Variants in RGS9 observed in about 807,000 individuals in gnomAD.
The protein encoded by RGS9 is regulator of G-protein signalling 9.
In RGS9, 78 loss-of-function variants were observed where a neutral mutation model predicts 102.0. That is an observed-to-expected ratio of 0.76 (90% confidence interval 0.64 to 0.92). RGS9 has a LOEUF of 0.92. RGS9 is among the 40% of genes least tolerant of loss of function. RGS9 has a pLI of 0.00. For synonymous variants in RGS9, 353 were observed against 318.6 expected (o/e 1.11, Z -1.15); for missense variants, 833 against 866.1 (o/e 0.96, Z 0.48).
At chr17:65,226,410 G>T (rs372644742) in intron 18 of RGS9, among the ~76,000 whole-genome samples, 1 of 152,160 alleles carries the variant, frequency 6.6e-6, no homozygotes, top group Non-Finnish European at 1.5e-5. Flanking sequence ...TAGGGGGAGA[G>T]GGAGGAGCAG....
intron 9 of RGS9, among the ~76,000 whole-genome samples, chr17:65,181,437 C>T (rs1166290746): frequency 1.3e-5 from 2 of 152,206 alleles, no homozygotes; most frequent in Admixed American, 6.5e-5. Flanking sequence ...GGCAAGTAAC[C>T]GTCAACCATA....
chr17:65,191,698 G>T (rs530357997), intron 11 of RGS9, among the ~76,000 whole-genome samples: 2 of 152,272 alleles, frequency 1.3e-5, no homozygotes, highest in South Asian at 4.2e-4. Context: ...AGTGAGCTGA[G>T]ATAGCGCCAC....
chr17:65,218,630 C>A (rs376042593), intron 17 of RGS9, among the ~76,000 whole-genome samples: 2 of 151,982 alleles, frequency 1.3e-5, no homozygotes, highest in African/African-American at 4.8e-5. Context: ...AGGGTGGATG[C>A]TCAGAAATAG....
chr17:65,142,895 G>C lies in RGS9; in HGVS notation c.57+5298G>C, dbSNP rs114026155. Among the ~76,000 whole-genome samples, 1,140 of 151,610 alleles carry C rather than the reference G, an allele frequency of 7.5e-3. 17 individuals carry two copies. The highest frequency in any genetic ancestry group is 0.026 in the African/African-American group (1,074 of 41,414). On this transcript the variant is annotated intron_variant, in intron 1 of 18. Transcript: ENST00000262406. ...CAAAGCCTGGCCTGGTTTTCTTTTT[G>C]TTTCTTTCTTTCTTTTTTTTTCTTT... is the stretch of plus-strand genomic sequence containing the variant.
At chr17:65,154,299 T>C (rs1910690405) in intron 2 of RGS9, among the ~76,000 whole-genome samples, 1 of 151,996 alleles carries the variant, frequency 6.6e-6, no homozygotes, top group Non-Finnish European at 1.5e-5. Flanking sequence ...AGAACAAGAC[T>C]CCCACAAAGC....
intron 12 of RGS9, among the ~76,000 whole-genome samples, chr17:65,196,615 A>G (rs1003444977): frequency 2.7e-5 from 4 of 150,906 alleles, no homozygotes; most frequent in African/African-American, 9.7e-5. Flanking sequence ...TCCGAGGCAC[A>G]TGGCCTGAGG....
chr17:65,161,252 TG>T (rs1262089843), intron 6 of RGS9, among the ~76,000 whole-genome samples: 2 of 151,956 alleles, frequency 1.3e-5, no homozygotes, highest in African/African-American at 4.9e-5. Context: ...GAACTTGAAT[TG>T]TTTTTTTTGT....
chr17:65,189,457 C>A, intron 10 of RGS9, 142 bp downstream of exon 10: 1 of 732,334 alleles, frequency 1.4e-6, no homozygotes. Context: ...TCACGGACAG[C>A]ACAGAGTGAC....
At chr17:65,140,075 G>T (rs749978762) in intron 1 of RGS9, among the ~76,000 whole-genome samples, 13 of 152,232 alleles carry the variant, frequency 8.5e-5, no homozygotes, top group Non-Finnish European at 1.8e-4. Flanking sequence ...TATTTCATTA[G>T]CTGGAGGTTA....
chr17:65,183,666 C>A (rs1307718702), intron 9 of RGS9, among the ~76,000 whole-genome samples: 1 of 152,196 alleles, frequency 6.6e-6, no homozygotes, highest in East Asian at 1.9e-4. Flanking sequence ...TAGACCCCCT[C>A]TCTGCTCTCA....
intron 15 of RGS9, 60 bp downstream of exon 15, chr17:65,204,361 G>A (rs79965148): frequency 0.048 from 75,770 of 1,587,692 alleles, 2,175 homozygotes; most frequent in African/African-American, 0.1. Context: ...CTAAGTACCC[G>A]GAAAATTCTT....
At chr17:65,225,916 C>T (rs978816221) in intron 18 of RGS9, among the ~76,000 whole-genome samples, 2 of 152,214 alleles carry the variant, frequency 1.3e-5, no homozygotes, top group Admixed American at 6.5e-5. Context: ...CATAAGTGCC[C>T]TTGCCTCCCT....
chr17:65,216,123 T>C (rs1308266998), intron 17 of RGS9, among the ~76,000 whole-genome samples: 1 of 152,210 alleles, frequency 6.6e-6, no homozygotes, highest in Non-Finnish European at 1.5e-5. Context: ...AGTTCCCCCT[T>C]CTTCCAGAAG....
At chr17:65,185,297 G>A (rs1215151848) in intron 9 of RGS9, 1 of 152,224 alleles carries the variant, frequency 6.6e-6, no homozygotes, top group African/African-American at 2.4e-5. Flanking sequence ...CTGAGGCACA[G>A]ACAGTTTAGA....
At chr17:65,165,965 G>A (rs1911164297) in intron 7 of RGS9, among the ~76,000 whole-genome samples, 1 of 152,164 alleles carries the variant, frequency 6.6e-6, no homozygotes, top group South Asian at 2.1e-4. Context: ...CTAACTCAGA[G>A]TCTCTTGAGT....
At chr17:65,153,638 T>C (rs1048488469) in intron 2 of RGS9, 120 bp downstream of exon 2, 1 of 799,164 alleles carries the variant, frequency 1.3e-6, no homozygotes, top group Non-Finnish European at 2.2e-6. Flanking sequence ...ACGCCTGTAA[T>C]CCCAGCACTT....
At chr17:65,161,708 ATATT>A (rs3034082) in intron 6 of RGS9, among the ~76,000 whole-genome samples, 17 of 137,300 alleles carry the variant, frequency 1.2e-4, no homozygotes, top group African/African-American at 2.7e-4. Flanking sequence ...TTTTATTTAT[ATATT>A]TATTTATTTA....
intron 8 of RGS9, among the ~76,000 whole-genome samples, chr17:65,171,437 T>C (rs1180601618): frequency 2.0e-5 from 3 of 152,154 alleles, no homozygotes; most frequent in Non-Finnish European, 4.4e-5. Context: ...GCCACATCTT[T>C]CTGATGGTAA....
intron 9 of RGS9, among the ~76,000 whole-genome samples, chr17:65,183,815 C>T (rs1429599058): frequency 2.0e-5 from 3 of 152,210 alleles, no homozygotes; most frequent in Non-Finnish European, 2.9e-5. Flanking sequence ...TTCTCCCCTG[C>T]ACTCCTGCCG....
Sources: gnomAD v4.1 joint callset for allele counts (sites outside exome capture counted in the v4.1 genomes callset) on GRCh38, gnomAD v4.1.1 for gene constraint, MANE v1.5 for transcripts, NCBI Gene and HGNC (gene_info 2026-07-23, HGNC 2026-07-21) for gene names.